The following ANO6 variants were observed in gnomAD, a reference collection of about 807,000 sequenced individuals.
The protein encoded by ANO6 is anoctamin-6.
A neutral mutation model predicts 117.5 loss-of-function variants in ANO6; 106 were observed. The observed-to-expected ratio is 0.90, with a 90% CI of 0.77 to 1.06. The LOEUF is 1.06. Among genes scored for constraint, ANO6 ranks in the 50% least tolerant of loss-of-function variants. The pLI is 0.00. For synonymous variants in ANO6, 367 were observed against 385.1 expected, an observed-to-expected ratio of 0.95 and a Z score of 0.55; for missense variants, 955 against 1,121.1, an observed-to-expected ratio of 0.85 and a Z score of 2.12.
At chr12:45,295,873 T>C (rs969281021) in intron 1 of ANO6, among the ~76,000 whole-genome samples, 3 of 152,046 alleles carry the variant, frequency 2.0e-5, no homozygotes, top group Non-Finnish European at 4.4e-5. Context: ...ATTTTTATTT[T>C]TATTTTTGAA....
chr12:45,309,258 A>G (rs973560031), intron 2 of ANO6, among the ~76,000 whole-genome samples: 1 of 152,096 alleles, frequency 6.6e-6, no homozygotes, highest in Non-Finnish European at 1.5e-5. Flanking sequence ...AAGGACACAC[A>G]TTGGAGAGGA....
At chr12:45,245,535 A>G (rs911977336) in intron 1 of ANO6, among the ~76,000 whole-genome samples, 3 of 149,534 alleles carry the variant, frequency 2.0e-5, no homozygotes, top group Non-Finnish European at 4.4e-5. Flanking sequence ...CTGCTTTTTC[A>G]CTGTTTTACA....
At chr12:45,352,554 C>T in intron 7 of ANO6, among the ~76,000 whole-genome samples, 1 of 122,358 alleles carries the variant, frequency 8.2e-6, no homozygotes, top group Middle Eastern at 3.7e-3. Context: ...TAGTGAGATC[C>T]AGTCTTAAAA....
In ANO6 at chr12:45,239,525, G is replaced by GT. The variant is rs562093956; in HGVS notation, c.70+23140dup. On this transcript the variant is annotated intron_variant, in intron 1 of 19. Coordinates refer to ENST00000320560, the MANE Select transcript of ANO6 (RefSeq NM_001025356.3). ...TTCATTGATTTTTTTTTTTTGAAGG[G>GT]TTTTTTGTGTTTCTGTTTCCTTTAG... 9.5e-3 allele frequency among the ~76,000 whole-genome samples: 1,434 copies of GT among 150,864 alleles called. 26 individuals are homozygous for GT. The highest frequency in any genetic ancestry group is 0.033 in the African/African-American group (1,350 of 41,078).
chr12:45,383,710 A>G (rs544919292), intron 10 of ANO6, among the ~76,000 whole-genome samples: 1 of 152,348 alleles, frequency 6.6e-6, no homozygotes, highest in South Asian at 2.1e-4. Flanking sequence ...TTTTATGAAC[A>G]ATGGGCTTAA....
intron 2 of ANO6, among the ~76,000 whole-genome samples, chr12:45,307,870 G>GATGGAGAATTGACCATTGTATTTAACA (rs1939719882): frequency 6.6e-6 from 1 of 151,992 alleles, no homozygotes; most frequent in Non-Finnish European, 1.5e-5. Flanking sequence ...ACATTCTGAT[G>GATGGAGAATTGACCATTGTATTTAACA]ATGGAGAATT....
chr12:45,222,891 T>C (rs1947426950), intron 1 of ANO6, among the ~76,000 whole-genome samples: 1 of 152,228 alleles, frequency 6.6e-6, no homozygotes, highest in African/African-American at 2.4e-5. Flanking sequence ...TCTATTAGTA[T>C]TAAATCGTAT....
At chr12:45,374,058 G>A (rs1267850004) in intron 9 of ANO6, among the ~76,000 whole-genome samples, 1 of 151,742 alleles carries the variant, frequency 6.6e-6, no homozygotes, top group Non-Finnish European at 1.5e-5. Flanking sequence ...ACTACCATCA[G>A]AGAATACTAC....
At chr12:45,350,433 G>C (rs566564673) in intron 6 of ANO6, among the ~76,000 whole-genome samples, 1 of 152,146 alleles carries the variant, frequency 6.6e-6, no homozygotes, top group East Asian at 1.9e-4. Flanking sequence ...CCCCAGGATT[G>C]TAACACCCAA....
At position 45,317,849 on chromosome 12, in the gene ANO6, G is replaced by T. The variant is rs565951591; in HGVS notation, c.151-13446G>T. Among the ~76,000 whole-genome samples, 12 of 152,280 alleles carry T rather than the reference G, an allele frequency of 7.9e-5. No individual in the cohort carries two copies. In the East Asian group the frequency reaches 2.3e-3, roughly 29 times the overall value. ...TGAGATGATACCTCACTGTGGTTTT[G>T]ATTTGCATTTCTCTGATGGCCAGTG... On this transcript the variant is annotated intron_variant, in intron 2 of 19. Coordinates refer to ENST00000320560, the MANE Select transcript of ANO6 (RefSeq NM_001025356.3).
chr12:45,328,259 T>G (rs992528930), intron 2 of ANO6, among the ~76,000 whole-genome samples: 2 of 152,112 alleles, frequency 1.3e-5, no homozygotes, highest in African/African-American at 4.8e-5. Flanking sequence ...GGCTCCCCTG[T>G]GTGTCCAGAG....
intron 2 of ANO6, among the ~76,000 whole-genome samples, chr12:45,309,160 G>A (rs1035689302): frequency 5.3e-5 from 8 of 152,048 alleles, no homozygotes; most frequent in African/African-American, 1.9e-4. Context: ...AAAGGGAGAA[G>A]GTGATTGGCA....
intron 3 of ANO6, among the ~76,000 whole-genome samples, chr12:45,344,025 G>A (rs1476500863): frequency 6.6e-6 from 1 of 152,134 alleles, no homozygotes; most frequent in African/African-American, 2.4e-5. Context: ...GAGTGTCTGT[G>A]TTTTTATCTG....
chr12:45,308,924 T>C (rs1939763099), intron 2 of ANO6, among the ~76,000 whole-genome samples: 1 of 151,962 alleles, frequency 6.6e-6, no homozygotes, highest in South Asian at 2.1e-4. Flanking sequence ...CAGTGTGCTC[T>C]GGAATGTGGC....
At chr12:45,277,912 A>G (rs1383872126) in intron 1 of ANO6, among the ~76,000 whole-genome samples, 1 of 152,132 alleles carries the variant, frequency 6.6e-6, no homozygotes, top group African/African-American at 2.4e-5. Context: ...CCCTTTCACT[A>G]TGGCAAGCCC....
intron 1 of ANO6, among the ~76,000 whole-genome samples, chr12:45,282,200 A>C (rs1376734888): frequency 6.6e-6 from 1 of 152,226 alleles, no homozygotes; most frequent in African/African-American, 2.4e-5. Context: ...GTGTGTTAAT[A>C]CTGAGTCTGA....
intron 12 of ANO6, among the ~76,000 whole-genome samples, chr12:45,390,753 C>G (rs1326380781): frequency 2.6e-5 from 4 of 152,154 alleles, no homozygotes; most frequent in African/African-American, 9.7e-5. Flanking sequence ...ATCAGTGATT[C>G]AGGATTTTCC....
intron 8 of ANO6, among the ~76,000 whole-genome samples, chr12:45,359,077 C>T (rs1057082543): frequency 6.6e-6 from 1 of 152,212 alleles, no homozygotes; most frequent in African/African-American, 2.4e-5. Flanking sequence ...AGCCACTGTG[C>T]CCGGTCCTTA....
At chr12:45,400,977 G>A (rs1047926973) in intron 12 of ANO6, among the ~76,000 whole-genome samples, 54 of 152,344 alleles carry the variant, frequency 3.5e-4, no homozygotes, top group Admixed American at 5.9e-4. Context: ...TTTAATGTGC[G>A]TCGTTGAGTG....
Sources: allele counts gnomAD v4.1 joint callset (sites outside exome capture counted in the v4.1 genomes callset), GRCh38; gene constraint gnomAD v4.1.1; transcripts MANE v1.5; gene names NCBI Gene and HGNC (gene_info 2026-07-23, HGNC 2026-07-21).